NOS1AP: variants seen among roughly 807,000 people sequenced by gnomAD.
NOS1AP encodes the protein nitric oxide synthase 1 adaptor protein.
A neutral mutation model predicts 56.2 loss-of-function variants in NOS1AP; 21 were observed. That is an observed-to-expected ratio of 0.37 (90% CI 0.26 to 0.54). The LOEUF (loss-of-function observed/expected upper bound fraction) is 0.54. NOS1AP is among the 20% of genes least tolerant of loss of function. The pLI, the probability that NOS1AP is intolerant of heterozygous loss-of-function variation, is 0.84. For missense variants in NOS1AP, 522 were observed against 657.8 expected (o/e 0.79, Z 2.26); for synonymous variants, 270 against 274.6 (o/e 0.98, Z 0.17).
At chr1:162,199,453 G>A (rs4098277) in intron 2 of NOS1AP, among the ~76,000 whole-genome samples, 24,026 of 152,170 alleles carry the variant, frequency 0.16, 2,106 homozygotes, top group South Asian at 0.23. Context: ...CCTCTCCACT[G>A]TGTTTCTAAA....
In NOS1AP at chr1:162,259,849, C is replaced by T. The variant is rs191293813; in HGVS notation, c.178-27495C>T. The stretch of plus-strand genomic sequence containing the variant: ...GAAAGAAATTTGGCAGTTATGTTTC[C>T]TAGTTGCATTTATTCCCCATGTATT... On this transcript the variant is annotated intron_variant, in intron 2 of 9. Transcript: ENST00000361897. Among the ~76,000 whole-genome samples the T allele has an allele frequency of 8.0e-4, 122 of 152,044 alleles. 2 individuals carry two copies. In the South Asian group the frequency reaches 0.012, roughly 15 times the overall value.
chr1:162,333,195 G>T, intron 5 of NOS1AP, 70 bp downstream of exon 5: 5 of 1,048,856 alleles, frequency 4.8e-6, no homozygotes, highest in Non-Finnish European at 5.9e-6. Flanking sequence ...ACATTGGCCC[G>T]TCTCCCTGTT....
intron 1 of NOS1AP, among the ~76,000 whole-genome samples, chr1:162,089,262 G>C (rs1692075733): frequency 6.6e-6 from 1 of 152,138 alleles, no homozygotes; most frequent in South Asian, 2.1e-4. Context: ...TATTTCATCT[G>C]ATCTTTTGTC....
At chr1:162,298,153 C>T (rs1655532927) in intron 3 of NOS1AP, among the ~76,000 whole-genome samples, 1 of 152,234 alleles carries the variant, frequency 6.6e-6, no homozygotes, top group South Asian at 2.1e-4. Flanking sequence ...GAGCCGGAGC[C>T]CAGGCTTCCA....
chr1:162,261,674 T>A (rs1158530175), intron 2 of NOS1AP, among the ~76,000 whole-genome samples: 1 of 152,036 alleles, frequency 6.6e-6, no homozygotes, highest in Non-Finnish European at 1.5e-5. Flanking sequence ...AGGAAATGGA[T>A]TCCCCCCATA....
intron 1 of NOS1AP, among the ~76,000 whole-genome samples, chr1:162,142,806 G>A (rs909947837): frequency 3.3e-5 from 5 of 152,188 alleles, no homozygotes; most frequent in African/African-American, 1.2e-4. Flanking sequence ...CACGTTAAGT[G>A]ATGTATGTAA....
At chr1:162,357,461 T>C (rs751718814) in intron 8 of NOS1AP, among the ~76,000 whole-genome samples, 11 of 152,160 alleles carry the variant, frequency 7.2e-5, no homozygotes, top group Non-Finnish European at 1.5e-4. Flanking sequence ...TGCCTTACTT[T>C]CCTGATATTT....
chr1:162,156,040 G>T (rs1649960054), intron 2 of NOS1AP, among the ~76,000 whole-genome samples: 1 of 152,112 alleles, frequency 6.6e-6, no homozygotes, highest in South Asian at 2.1e-4. Flanking sequence ...AGCAACGTTG[G>T]GAAGAAAATT....
In NOS1AP at chr1:162,289,196, C is replaced by CTTCCTTCCTTTCCTTCCTTCCT. The variant is rs1557864588; in HGVS notation, c.270+1770_270+1771insTCCTTCCTTCCTTTCCTTCCTT. 3.9e-5 allele frequency among the ~76,000 whole-genome samples: 5 copies of CTTCCTTCCTTTCCTTCCTTCCT among 127,362 alleles called. 1 individual carries two copies. The highest frequency in any genetic ancestry group is 8.4e-5 in the Admixed American group (1 of 11,956). The allele number at this position is 127,362 out of a possible 152,430, so 83.6% of individuals were successfully genotyped here. On this transcript the variant is annotated intron_variant, in intron 3 of 9. Coordinates refer to ENST00000361897, the MANE Select transcript of NOS1AP (RefSeq NM_014697.3). ...ACATATCTTTGTTTGCCTTTCTTTC[C>CTTCCTTCCTTTCCTTCCTTCCT]TTCCTTCCTTCCTTTCCTTCCTTCC...
At chr1:162,237,293 G>A (rs775798371) in intron 2 of NOS1AP, among the ~76,000 whole-genome samples, 1 of 152,214 alleles carries the variant, frequency 6.6e-6, no homozygotes, top group Admixed American at 6.5e-5. Context: ...CTTCAATCCA[G>A]TAAAGCCCTT....
chr1:162,356,070 A>G lies in NOS1AP; in HGVS notation c.762+717A>G, dbSNP rs1181137933. Among the ~76,000 whole-genome samples, 3 of 152,192 alleles carry G rather than the reference A, an allele frequency of 2.0e-5. No individual in the cohort carries two copies. The East Asian group carries it at 5.8e-4, about 29-fold the overall frequency. On this transcript the variant is annotated intron_variant, in intron 7 of 9. Coordinates refer to ENST00000361897, the MANE Select transcript of NOS1AP (RefSeq NM_014697.3). ...GGGCACCTCTCTCTCTTTAACATTCATATCTTATCTCACATGGAGGTTTGG... is the reference window on the plus strand; with the variant it reads ...GGGCACCTCTCTCTCTTTAACATTCGTATCTTATCTCACATGGAGGTTTGG...
rs1348289198 is a variant in NOS1AP at position 162,070,167 on chromosome 1, C to T, written c.-11C>T. 1.9e-6 allele frequency: 3 copies of T among 1,611,346 alleles called. No homozygotes were observed. Among genetic ancestry groups the T allele is most frequent in the Non-Finnish European group, 1.7e-6 (2 of 1,177,684 alleles). On this transcript the variant is annotated 5_prime_UTR_variant, in exon 1 of 10. Transcript: ENST00000361897. ...GCCGCCTCCGAAGGAGCGGGTCCGC[C>T]GCGGGTAACCATGCCTAGCAAAACC...
In NOS1AP at chr1:162,215,944, A is replaced by T. The variant is rs116837030; in HGVS notation, c.177+61468A>T. ...TTCTCATGCACATATCCTTCATAGC[A>T]TTATAACTCACTGTTCTCTGGCCAC... On this transcript the variant is annotated intron_variant, in intron 2 of 9. Transcript: ENST00000361897. 5.0e-3 allele frequency among the ~76,000 whole-genome samples: 758 copies of T among 152,326 alleles called. 5 individuals carry two copies. Among genetic ancestry groups the T allele is most frequent in the African/African-American group, 0.017 (720 of 41,558 alleles).
At chr1:162,343,264 G>C (rs1167897450) in intron 5 of NOS1AP, among the ~76,000 whole-genome samples, 1 of 152,182 alleles carries the variant, frequency 6.6e-6, no homozygotes, top group East Asian at 1.9e-4. Context: ...ATAGACCCAA[G>C]AACGTGAGGT....
chr1:162,296,169 C>T (rs1156895190), intron 3 of NOS1AP, among the ~76,000 whole-genome samples: 1 of 151,960 alleles, frequency 6.6e-6, no homozygotes, highest in Non-Finnish European at 1.5e-5. Flanking sequence ...TGCCTGTAGT[C>T]CCAACTACTC....
rs1196379473 is a variant in NOS1AP, at chr1:162,368,464, A to T, written c.*997A>T. ...AAAAAAAAAAAAAGAAAAAAGAGAA[A>T]GAAAAAAAAGAATGAATGCAAGCTG... On this transcript the variant is annotated 3_prime_UTR_variant, in exon 10 of 10. Transcript: ENST00000361897. The T allele has an allele frequency of 6.6e-6, 1 of 152,054 alleles. No homozygotes were observed. The highest frequency in any genetic ancestry group is 1.5e-5 in the Non-Finnish European group (1 of 68,016). 9.4% of individuals were successfully genotyped at this position (152,054 alleles called of 1,614,324 possible).
intron 6 of NOS1AP, among the ~76,000 whole-genome samples, chr1:162,349,647 G>A (rs549316139): frequency 6.6e-6 from 1 of 152,332 alleles, no homozygotes; most frequent in African/African-American, 2.4e-5. Flanking sequence ...CTCTCCGTAA[G>A]TACCCACTGT....
chr1:162,281,196 G>A (rs17460249), intron 2 of NOS1AP, among the ~76,000 whole-genome samples: 3,819 of 152,292 alleles, frequency 0.025, 69 homozygotes, highest in Non-Finnish European at 0.038. Flanking sequence ...GTGGACCATG[G>A]ACCATATAAG....
At chr1:162,103,298 C>G (rs781567581) in intron 1 of NOS1AP, among the ~76,000 whole-genome samples, 3 of 151,116 alleles carry the variant, frequency 2.0e-5, no homozygotes, top group Admixed American at 6.6e-5. Flanking sequence ...GTATGAGAGA[C>G]TGTTATTATT....
Sources: gnomAD v4.1 joint callset for allele counts (sites outside exome capture counted in the v4.1 genomes callset) on GRCh38, gnomAD v4.1.1 for gene constraint, MANE v1.5 for transcripts, NCBI Gene and HGNC (gene_info 2026-07-23, HGNC 2026-07-21) for gene names.